Variants in PLCZ1 observed in about 807,000 individuals in gnomAD.
The protein encoded by PLCZ1 is 1-phosphatidylinositol 4,5-bisphosphate phosphodiesterase zeta-1.
A neutral mutation model predicts 76.8 loss-of-function variants in PLCZ1; 64 were observed. The observed-to-expected ratio is 0.83, with a 90% CI of 0.68 to 1.03. PLCZ1 has a LOEUF of 1.03. Among genes scored for constraint, PLCZ1 ranks in the 50% least tolerant of loss-of-function variants. The pLI, the probability that PLCZ1 is intolerant of heterozygous loss-of-function variation, is 0.00. For synonymous variants in PLCZ1, 248 were observed against 230.8 expected (o/e 1.07, Z -0.68); for missense variants, 751 against 713.7 (o/e 1.05, Z -0.60).
chr12:18,728,250 G>T (rs1439478986), intron 3 of PLCZ1, among the ~76,000 whole-genome samples: 2 of 152,128 alleles, frequency 1.3e-5, no homozygotes. Context: ...ACTGTTATGT[G>T]AGATATGAAG....
chr12:18,708,410 G>A (rs1445930906), intron 6 of PLCZ1, among the ~76,000 whole-genome samples: 4 of 152,088 alleles, frequency 2.6e-5, no homozygotes, highest in Non-Finnish European at 5.9e-5. Context: ...TCATTTGTCT[G>A]TCAATGAACA....
the PLCZ1 span, among the ~76,000 whole-genome samples, chr12:18,657,016 C>T: frequency 2.0e-5 from 3 of 152,030 alleles, no homozygotes; most frequent in African/African-American, 7.3e-5. Context: ...TAAAATAGAT[C>T]TCATTCTGAC....
At chr12:18,671,157 C>T in the PLCZ1 span, among the ~76,000 whole-genome samples, 1 of 149,984 alleles carries the variant, frequency 6.7e-6, no homozygotes, top group African/African-American at 2.5e-5. Flanking sequence ...CCATTGCCCT[C>T]CAGCCCGGGT....
intron 13 of PLCZ1, among the ~76,000 whole-genome samples, chr12:18,687,182 T>C (rs762149185): frequency 5.3e-5 from 8 of 152,124 alleles, no homozygotes; most frequent in Non-Finnish European, 1.0e-4. Flanking sequence ...CAAATCTTTT[T>C]CCATGACTTT....
chr12:18,679,492 C>T (rs922560135), downstream of PLCZ1, among the ~76,000 whole-genome samples: 1 of 151,838 alleles, frequency 6.6e-6, no homozygotes, highest in Admixed American at 6.6e-5. Context: ...TGACAACATT[C>T]ATTTTTTCCA....
intron 6 of PLCZ1, among the ~76,000 whole-genome samples, chr12:18,710,133 T>G (rs534466960): frequency 1.3e-5 from 2 of 150,408 alleles, no homozygotes; most frequent in East Asian, 3.9e-4. Context: ...TTCTTCCTAT[T>G]GGAAATAATA....
intron 12 of PLCZ1, among the ~76,000 whole-genome samples, chr12:18,688,936 T>C (rs1161925922): frequency 1.3e-5 from 2 of 151,524 alleles, no homozygotes; most frequent in Non-Finnish European, 1.5e-5. Context: ...AAATATATAA[T>C]TAAGTTTGAT....
chr12:18,731,286 G>GA (rs1447913500), intron 3 of PLCZ1, among the ~76,000 whole-genome samples: 3 of 151,696 alleles, frequency 2.0e-5, no homozygotes, highest in Non-Finnish European at 2.9e-5. Context: ...CCTTCCAGAG[G>GA]AAAAAAAGCA....
chr12:18,702,091 T>C (rs1405452359), intron 7 of PLCZ1, among the ~76,000 whole-genome samples: 2 of 152,152 alleles, frequency 1.3e-5, no homozygotes, highest in African/African-American at 4.8e-5. Flanking sequence ...TATAAATACT[T>C]ACCATGATAT....
chr12:18,702,136 G>A (rs553027022), intron 7 of PLCZ1, among the ~76,000 whole-genome samples: 48 of 151,750 alleles, frequency 3.2e-4, no homozygotes, highest in Non-Finnish European at 5.2e-4. Flanking sequence ...GGTAGTAAAC[G>A]CTTCAGCTCA....
At chr12:18,722,552 A>T (rs915987040) in intron 4 of PLCZ1, among the ~76,000 whole-genome samples, 2 of 152,060 alleles carry the variant, frequency 1.3e-5, no homozygotes, top group Admixed American at 1.3e-4. Context: ...TCTATCAGTT[A>T]GTTTCTGTAA....
chr12:18,709,531 C>CTTTTT (rs34763581), intron 6 of PLCZ1, among the ~76,000 whole-genome samples: 1 of 150,372 alleles, frequency 6.7e-6, no homozygotes, highest in African/African-American at 2.4e-5. Flanking sequence ...AATTTTAGGA[C>CTTTTT]TTTTTTTTTA....
rs201108085 is a variant in PLCZ1 at position 18,723,488 on chromosome 12, A to T, written c.190T>A (p.Tyr64Asn). The T allele has an allele frequency of 1.2e-6, 2 of 1,612,906 alleles. No homozygotes were observed. Among genetic ancestry groups the T allele is most frequent in the African/African-American group, 2.7e-5 (2 of 75,008 alleles). The change falls in exon 4 of 15, where the codon TAT becomes AAT. Residue 64 changes from tyrosine to asparagine, a missense_variant. Coordinates refer to ENST00000266505, the MANE Select transcript of PLCZ1 (RefSeq NM_033123.4). Reference protein sequence around the residue: ...RITIEEFRAIYRIITHREEII... With the variant: ...RITIEEFRAINRIITHREEII... ...TCTTCTCTGTGCGTGATAATTCGAT[A>T]AATTGCTCTAAATTCTTCTATGGTG... is the stretch of plus-strand genomic sequence containing the variant.
At chr12:18,651,386 C>A in the PLCZ1 span, among the ~76,000 whole-genome samples, 582 of 152,274 alleles carry the variant, frequency 3.8e-3, 6 homozygotes, top group African/African-American at 0.013. Context: ...TACTCTACAC[C>A]ACTTTTATCT....
At chr12:18,660,046 A>G in the PLCZ1 span, among the ~76,000 whole-genome samples, 3 of 152,164 alleles carry the variant, frequency 2.0e-5, no homozygotes, top group African/African-American at 7.2e-5. Context: ...CCAAAAATTT[A>G]TCTCCCCTCC....
intron 4 of PLCZ1, among the ~76,000 whole-genome samples, chr12:18,722,626 T>C (rs1191493702): frequency 6.6e-6 from 1 of 152,054 alleles, no homozygotes; most frequent in African/African-American, 2.4e-5. Flanking sequence ...GTATTATGTG[T>C]TTATAATTTT....
At chr12:18,671,075 G>A in the PLCZ1 span, among the ~76,000 whole-genome samples, 4 of 151,908 alleles carry the variant, frequency 2.6e-5, no homozygotes, top group South Asian at 8.3e-4. Context: ...TACTCAGGAG[G>A]CTGAGGCAGG....
chr12:18,688,676 T>C (rs1398899245), intron 12 of PLCZ1, among the ~76,000 whole-genome samples: 1 of 151,998 alleles, frequency 6.6e-6, no homozygotes, highest in African/African-American at 2.4e-5. Context: ...TTATTTCATA[T>C]GTATATTAGG....
intron 4 of PLCZ1, among the ~76,000 whole-genome samples, 154 bp from the exon 5 acceptor site, chr12:18,719,786 A>G (rs548649737): frequency 1.5e-4 from 23 of 152,274 alleles, no homozygotes; most frequent in Non-Finnish European, 1.8e-4. Context: ...TGTTGTTTGG[A>G]AACAAATTTT....
Sources: allele counts gnomAD v4.1 joint callset (sites outside exome capture counted in the v4.1 genomes callset), GRCh38; gene constraint gnomAD v4.1.1; transcripts MANE v1.5; gene names NCBI Gene and HGNC (gene_info 2026-07-23, HGNC 2026-07-21).